The following TRPM6 variants were observed in gnomAD, a reference collection of about 807,000 sequenced individuals.
The protein encoded by TRPM6 is transient receptor potential cation channel subfamily M member 6.
TRPM6 carries 111 observed loss-of-function variants against 247.6 expected under a neutral mutation model. The observed-to-expected ratio is 0.45, with a 90% CI of 0.38 to 0.52. TRPM6 has a LOEUF of 0.52. Ranked by LOEUF, TRPM6 falls within the 20% of genes least tolerant of loss-of-function variation. The pLI is 0.00. For missense variants in TRPM6, 2,126 were observed against 2,421.5 expected, an observed-to-expected ratio of 0.88 and a Z score of 2.56; for synonymous variants, 892 against 853.8, an observed-to-expected ratio of 1.04 and a Z score of -0.78.
At position 74,724,555 on chromosome 9, in the gene TRPM6, T is replaced by C; in HGVS notation, c.*58A>G. 1 of 1,612,644 alleles carries C rather than the reference T, an allele frequency of 6.2e-7. No individual in the cohort carries two copies. Reference sequence around the variant, plus strand: ...TCAACATCACGTTGATCAATCTATGTTATCACAGAGTTCCTGGCAGGCAGG... The same window carrying C: ...TCAACATCACGTTGATCAATCTATGCTATCACAGAGTTCCTGGCAGGCAGG... On this transcript the variant is annotated 3_prime_UTR_variant, in exon 39 of 39. Coordinates refer to ENST00000360774, the MANE Select transcript of TRPM6 (RefSeq NM_017662.5).
rs144290856 is a variant in TRPM6 at position 74,775,280 on chromosome 9, T to C, written c.3403+603A>G. Among the ~76,000 whole-genome samples the C allele has an allele frequency of 5.8e-4, 89 of 152,294 alleles. No individual in the cohort carries two copies. The East Asian group carries it at 0.016, about 28-fold the overall frequency. ...TCATGGTGCACCCCAGCTTTAAACT[T>C]CTGAGCTCAAGCAATTCTTGTGCCT... On this transcript the variant is annotated intron_variant, in intron 24 of 38. Transcript: ENST00000360774.
At chr9:74,805,657 C>A (rs1328758256) in intron 14 of TRPM6, among the ~76,000 whole-genome samples, 2 of 152,122 alleles carry the variant, frequency 1.3e-5, no homozygotes, top group Non-Finnish European at 2.9e-5. Flanking sequence ...GTCCTTAAAG[C>A]AAACTATACC....
intron 23 of TRPM6, among the ~76,000 whole-genome samples, chr9:74,778,420 G>C (rs1827301147): frequency 6.6e-6 from 1 of 152,226 alleles, no homozygotes. Flanking sequence ...GTCACCAACA[G>C]AGTTCTGTCC....
intron 30 of TRPM6, among the ~76,000 whole-genome samples, chr9:74,749,071 T>C (rs1049376634): frequency 5.3e-5 from 8 of 152,206 alleles, no homozygotes; most frequent in Non-Finnish European, 7.3e-5. Flanking sequence ...AGTAACATAC[T>C]GTACAGGTTT....
chr9:74,755,349 A>G lies in TRPM6; in HGVS notation c.4906+4T>C. ...TGGGATCCAAAATTGTAGATGTTAC[A>G]TACCTGTGTGACTAAATTTGGACAC... On this transcript the variant is annotated splice_donor_region_variant and intron_variant, in intron 28 of 38. Coordinates refer to ENST00000360774, the MANE Select transcript of TRPM6 (RefSeq NM_017662.5). The G allele has an allele frequency of 6.2e-7, 1 of 1,613,970 alleles. No individual in the cohort carries two copies. The highest frequency in any genetic ancestry group is 1.7e-5 in the Admixed American group (1 of 60,028).
chr9:74,878,354 T>A (rs1198525310), intron 1 of TRPM6, among the ~76,000 whole-genome samples: 2 of 152,138 alleles, frequency 1.3e-5, no homozygotes, highest in East Asian at 1.9e-4. Context: ...AGTGTCAGCA[T>A]ATGCCACCCA....
At chr9:74,816,557 A>G in intron 11 of TRPM6, 112 bp downstream of exon 11, 1 of 829,458 alleles carries the variant, frequency 1.2e-6, no homozygotes, top group Non-Finnish European at 2.0e-6. Context: ...CAGAGATGCT[A>G]CCCCACACTT....
chr9:74,887,815 T>C lies in TRPM6; in HGVS notation c.33+9A>G. On this transcript the variant is annotated intron_variant, in intron 1 of 38. Transcript: ENST00000360774. ...CTTGTTCCCCGCCAGTCGAGCAGCC[T>C]GAGCTTACCTGCAAGCGCTCCAAGA... The C allele has an allele frequency of 1.9e-6, 3 of 1,614,184 alleles. No homozygotes were observed. Among genetic ancestry groups the C allele is most frequent in the Non-Finnish European group, 2.5e-6 (3 of 1,180,042 alleles).
intron 1 of TRPM6, among the ~76,000 whole-genome samples, chr9:74,876,502 G>T (rs887612358): frequency 1.3e-5 from 2 of 152,198 alleles, no homozygotes; most frequent in Non-Finnish European, 2.9e-5. Flanking sequence ...CTCATTTTAT[G>T]AAAGAGGATA....
At chr9:74,821,911 G>T (rs1016899611) in intron 7 of TRPM6, 74 bp from the exon 8 acceptor site, 16 of 1,533,616 alleles carry the variant, frequency 1.0e-5, no homozygotes, top group South Asian at 2.3e-5. Context: ...TTGACTTCCA[G>T]ACACAAGTCT....
chr9:74,838,276 C>T (rs752344495), intron 5 of TRPM6, among the ~76,000 whole-genome samples: 23 of 152,160 alleles, frequency 1.5e-4, no homozygotes, highest in Non-Finnish European at 2.6e-4. Context: ...TTATGTGAAA[C>T]TTCCCTACCC....
At position 74,800,443 on chromosome 9, in the gene TRPM6, T is replaced by C. The variant is rs763385607; in HGVS notation, c.2049A>G (p.Ala683=). 6 of 1,614,014 alleles carry C rather than the reference T, an allele frequency of 3.7e-6. No homozygotes were observed. The East Asian group carries it at 1.1e-4, about 30-fold the overall frequency. Residue 683 remains alanine (A), a synonymous_variant, in exon 17 of 39, where the codon GCA becomes GCG. Transcript: ENST00000360774. ...TGGCCATGCGCTCATTCTGCTTGAA[T>C]GCCTTCTCCAACAAGTCCAGAGCCA... ...GQLALDLLEK[A]FKQNERMAMT... is the part of the protein sequence containing the mutation.
chr9:74,762,571 G>A lies in TRPM6; in HGVS notation c.4100C>T (p.Pro1367Leu). The change falls in exon 26 of 39, where the codon CCC becomes CTC. Residue 1367 changes from proline to leucine, a missense_variant. Pro to Leu is a moderately conservative substitution (Grantham distance 98). This residue lies in a region of TRPM6 where 717 missense variants were observed against 715.9 expected (regional missense o/e 1.00). Coordinates refer to ENST00000360774, the MANE Select transcript of TRPM6 (RefSeq NM_017662.5). ...AGTTGCCAGCACATCTGGCACAGAG[G>A]GTCTGGACAGAGGCAAGACAGTTTC... ...SAETVLPLSR[P>L]SVPDVLATEQ... 1 of 1,614,140 alleles carries A rather than the reference G, an allele frequency of 6.2e-7. No homozygotes were observed.
At chr9:74,809,998 A>C (rs1385629667) in intron 13 of TRPM6, among the ~76,000 whole-genome samples, 1 of 150,982 alleles carries the variant, frequency 6.6e-6, no homozygotes, top group Admixed American at 6.6e-5. Context: ...AAAAAAAAAA[A>C]AAAACAAGGA....
At chr9:74,781,843 G>A (rs1319638877) in intron 23 of TRPM6, among the ~76,000 whole-genome samples, 2 of 152,078 alleles carry the variant, frequency 1.3e-5, no homozygotes, top group Admixed American at 1.3e-4. Context: ...CCATATCTGC[G>A]GGTTCCACAT....
chr9:74,753,737 T>C (rs1251522927), intron 28 of TRPM6, among the ~76,000 whole-genome samples: 1 of 152,194 alleles, frequency 6.6e-6, no homozygotes, highest in Non-Finnish European at 1.5e-5. Context: ...TGACAGGGCA[T>C]CTGCCTATTC....
Position 74,771,688 on chromosome 9 carries a change from A to G in TRPM6, c.3536+15T>C, listed in dbSNP as rs1259179107. On this transcript the variant is annotated intron_variant, in intron 25 of 38. Transcript: ENST00000360774. ...TGTTAGTGGTTTCAGAATGGAAAAG[A>G]TTTATATCTTTTACCTTTCTGATGT... The G allele has an allele frequency of 1.4e-5, 22 of 1,612,686 alleles. No homozygotes were observed. The highest frequency in any genetic ancestry group is 1.6e-5 in the Non-Finnish European group (19 of 1,179,440).
Position 74,741,750 on chromosome 9 carries a change from C to T in TRPM6, c.5200+811G>A, listed in dbSNP as rs60976223. On this transcript the variant is annotated intron_variant, in intron 33 of 38. Transcript: ENST00000360774. ...ACTAAAAATACAAAAATTAGCTGGG[C>T]GTGGTGGTGCACGCCTGTAATCCCA... Among the ~76,000 whole-genome samples, 680 of 151,898 alleles carry T rather than the reference C, an allele frequency of 4.5e-3. 2 individuals carry two copies. Among genetic ancestry groups the T allele is most frequent in the African/African-American group, 0.013 (533 of 41,406 alleles).
At chr9:74,838,774 G>A (rs1250710670) in intron 5 of TRPM6, among the ~76,000 whole-genome samples, 1 of 151,938 alleles carries the variant, frequency 6.6e-6, no homozygotes, top group Non-Finnish European at 1.5e-5. Context: ...ACTGGGCAGG[G>A]CATGCCAAAT....
Sources: allele counts gnomAD v4.1 joint callset (sites outside exome capture counted in the v4.1 genomes callset), GRCh38; gene constraint gnomAD v4.1.1; regional missense constraint gnomAD v4.1.1; transcripts MANE v1.5; gene names NCBI Gene and HGNC (gene_info 2026-07-23, HGNC 2026-07-21).